Variants in ATP2B2 observed in about 807,000 individuals in gnomAD.
ATP2B2 encodes plasma membrane calcium-transporting ATPase 2.
ATP2B2 carries 15 observed loss-of-function variants against 120.0 expected under a neutral mutation model. That is an observed-to-expected ratio of 0.12 (90% confidence interval 0.08 to 0.19). The LOEUF is 0.19. Among genes scored for constraint, ATP2B2 ranks in the 10% least tolerant of loss-of-function variants. The probability of loss-of-function intolerance (pLI) is 1.00; values close to 1 mark genes in which losing one functional copy is unlikely to be tolerated. For synonymous variants in ATP2B2, 694 were observed against 700.3 expected, an observed-to-expected ratio of 0.99 and a Z score of 0.14; for missense variants, 1,045 against 1,719.8, an observed-to-expected ratio of 0.61 and a Z score of 6.94.
At position 10,343,411 on chromosome 3, in the gene ATP2B2, T is replaced by C. The variant is rs376720586; in HGVS notation, c.2704-446A>G. ...CAGTGCCCGTCCCCCACCCCCCCAA[T>C]GTCTCCTCCCCTCTTATCCCGCCTT... On this transcript the variant is annotated intron_variant, in intron 18 of 22. Coordinates refer to ENST00000360273, the MANE Select transcript of ATP2B2 (RefSeq NM_001001331.4). This position sits in a 1 kb window ranked among gnomAD's most constrained non-coding sequence, Gnocchi z 4.2. Among the ~76,000 whole-genome samples, 3 of 83,520 alleles carry C rather than the reference T, an allele frequency of 3.6e-5. No homozygotes were observed. Among genetic ancestry groups the C allele is most frequent in the Admixed American group, 3.4e-4 (2 of 5,904 alleles). The allele number at this position is 83,520 out of a possible 152,430, so 54.8% of individuals were successfully genotyped here. A position where few individuals can be genotyped will look rare whatever the true frequency, so the allele number is the denominator to read the frequency against.
At chr3:10,595,957 G>A (rs115486711) in intron 2 of ATP2B2, among the ~76,000 whole-genome samples, 193 of 152,130 alleles carry the variant, frequency 1.3e-3, no homozygotes, top group African/African-American at 4.3e-3. Flanking sequence ...AACCCACCAC[G>A]TTCATTCCCA....
chr3:10,354,096 C>A (rs1458801673), intron 14 of ATP2B2, among the ~76,000 whole-genome samples: 1 of 152,230 alleles, frequency 6.6e-6, no homozygotes, highest in Non-Finnish European at 1.5e-5. Flanking sequence ...CTCCCTTAGC[C>A]TCTGTGTGTC....
chr3:10,535,385 ATGTGTG>A (rs34707434), intron 2 of ATP2B2, among the ~76,000 whole-genome samples: 2,185 of 147,136 alleles, frequency 0.015, 19 homozygotes, highest in Middle Eastern at 0.086. Context: ...CAGCAGTTTG[ATGTGTG>A]TGTGTGTGTG....
At chr3:10,408,138 C>T (rs1278214520) in intron 3 of ATP2B2, among the ~76,000 whole-genome samples, 3 of 152,156 alleles carry the variant, frequency 2.0e-5, no homozygotes, top group African/African-American at 4.8e-5. Context: ...GATCTTTGAC[C>T]GAAAGTTCCT....
intron 1 of ATP2B2, among the ~76,000 whole-genome samples, chr3:10,691,765 C>A (rs1447342439): frequency 2.0e-5 from 3 of 152,196 alleles, no homozygotes; most frequent in Non-Finnish European, 4.4e-5. Context: ...TCCAGGGTTT[C>A]TACATGTCTG....
chr3:10,387,046 A>C (rs1024838658), intron 6 of ATP2B2, among the ~76,000 whole-genome samples: 1 of 152,200 alleles, frequency 6.6e-6, no homozygotes, highest in African/African-American at 2.4e-5. Flanking sequence ...AGGCTGCTGC[A>C]TCCTGCCTAC....
At chr3:10,628,297 G>C (rs1431283783) in intron 1 of ATP2B2, among the ~76,000 whole-genome samples, 1 of 151,620 alleles carries the variant, frequency 6.6e-6, no homozygotes, top group Non-Finnish European at 1.5e-5. Context: ...AGGACTCCCA[G>C]AGGGAGGCTG....
chr3:10,598,438 G>A (rs1452711812), intron 2 of ATP2B2, among the ~76,000 whole-genome samples: 3 of 152,210 alleles, frequency 2.0e-5, no homozygotes, highest in Non-Finnish European at 2.9e-5. Flanking sequence ...TATACATGTA[G>A]CCTAATGTCA....
intron 1 of ATP2B2, among the ~76,000 whole-genome samples, chr3:10,639,152 T>C (rs1470731959): frequency 2.6e-5 from 4 of 152,086 alleles, no homozygotes; most frequent in African/African-American, 7.2e-5. Flanking sequence ...AATAGATAAA[T>C]TGGGCTTCAT....
At chr3:10,460,656 C>T (rs527551846) in intron 1 of ATP2B2, among the ~76,000 whole-genome samples, 1 of 152,266 alleles carries the variant, frequency 6.6e-6, no homozygotes, top group Admixed American at 6.5e-5. Context: ...TTTTAGGGGG[C>T]AGGACTGAGC....
intron 2 of ATP2B2, among the ~76,000 whole-genome samples, chr3:10,597,288 C>G (rs369008959): frequency 2.7e-5 from 4 of 145,984 alleles, no homozygotes; most frequent in African/African-American, 1.1e-4. Context: ...CACAGGTACA[C>G]ACACACAGGC....
chr3:10,351,957 G>A (rs989689089), intron 14 of ATP2B2, among the ~76,000 whole-genome samples: 1 of 152,228 alleles, frequency 6.6e-6, no homozygotes, highest in African/African-American at 2.4e-5. Flanking sequence ...TCAGGACTGT[G>A]AGACAGCAAA....
chr3:10,636,041 T>C (rs540273075), intron 1 of ATP2B2, among the ~76,000 whole-genome samples: 5 of 152,262 alleles, frequency 3.3e-5, no homozygotes, highest in African/African-American at 1.2e-4. Context: ...CCTCTTACAC[T>C]TAAACTTCTA....
chr3:10,700,939 CAT>C (rs562910701), intron 1 of ATP2B2, among the ~76,000 whole-genome samples: 193 of 152,338 alleles, frequency 1.3e-3, no homozygotes, highest in Non-Finnish European at 1.5e-3. Context: ...AGAAATGACA[CAT>C]GTCACTTTTC....
intron 2 of ATP2B2, among the ~76,000 whole-genome samples, chr3:10,592,474 T>C (rs1033629457): frequency 9.2e-5 from 14 of 152,232 alleles, no homozygotes; most frequent in African/African-American, 3.1e-4. Context: ...GCTTTTCTGT[T>C]GGAAAAGTTC....
chr3:10,391,140 G>A (rs779011333), intron 5 of ATP2B2, among the ~76,000 whole-genome samples: 2 of 152,194 alleles, frequency 1.3e-5, no homozygotes, highest in Non-Finnish European at 2.9e-5. Flanking sequence ...CCTACTGTGT[G>A]CAGGGCACAT....
At chr3:10,461,467 C>A (rs1446266686) in intron 1 of ATP2B2, among the ~76,000 whole-genome samples, 2 of 152,214 alleles carry the variant, frequency 1.3e-5, no homozygotes, top group Non-Finnish European at 2.9e-5. Flanking sequence ...GGTCTGCACC[C>A]TCCCTCATGG....
intron 1 of ATP2B2, among the ~76,000 whole-genome samples, chr3:10,456,824 C>T (rs1442556251): frequency 6.6e-6 from 1 of 152,174 alleles, no homozygotes; most frequent in African/African-American, 2.4e-5. Context: ...CTTTCCTCTC[C>T]TGGTTGCAAA....
intron 2 of ATP2B2, among the ~76,000 whole-genome samples, chr3:10,535,762 A>T (rs2067301345): frequency 6.6e-6 from 1 of 152,198 alleles, no homozygotes; most frequent in Non-Finnish European, 1.5e-5. Flanking sequence ...TTGTTTAACT[A>T]TCAATCAGTG....
Sources: gnomAD v4.1 joint callset for allele counts (sites outside exome capture counted in the v4.1 genomes callset) on GRCh38, gnomAD v4.1.1 for gene constraint, Gnocchi (gnomAD v3.1) non-coding constraint, MANE v1.5 for transcripts, NCBI Gene and HGNC (gene_info 2026-07-23, HGNC 2026-07-21) for gene names.